MAPK10: variants seen among roughly 807,000 people sequenced by gnomAD.
The protein encoded by MAPK10 is mitogen-activated protein kinase 10.
MAPK10 carries 25 observed loss-of-function variants against 59.3 expected under a neutral mutation model. The ratio of observed to expected loss-of-function variants is 0.42; its 90% confidence interval spans 0.31 to 0.59. MAPK10 has a LOEUF of 0.59. MAPK10 is among the 20% of genes least tolerant of loss of function. The pLI is 0.15. For synonymous variants in MAPK10, 190 were observed against 200.5 expected (o/e 0.95, Z 0.44); for missense variants, 351 against 568.9 (o/e 0.62, Z 3.90).
At chr4:86,222,423 C>G (rs2089834277) in intron 2 of MAPK10, among the ~76,000 whole-genome samples, 1 of 152,162 alleles carries the variant, frequency 6.6e-6, no homozygotes, top group African/African-American at 2.4e-5. Context: ...GGTTACTCCT[C>G]TTCCCCAGTG....
intron 1 of MAPK10, among the ~76,000 whole-genome samples, chr4:86,523,163 G>A (rs969704982): frequency 6.6e-6 from 1 of 151,540 alleles, no homozygotes; most frequent in Non-Finnish European, 1.5e-5. Context: ...TTTATTAATA[G>A]GTATATCTCT....
intron 2 of MAPK10, among the ~76,000 whole-genome samples, chr4:86,238,691 G>T (rs2092476645): frequency 1.3e-5 from 2 of 152,160 alleles, no homozygotes; most frequent in African/African-American, 4.8e-5. Flanking sequence ...TTTGCACATT[G>T]ATTTTGTATC....
chr4:86,091,893 T>G (rs903025419), intron 9 of MAPK10, among the ~76,000 whole-genome samples: 1 of 151,936 alleles, frequency 6.6e-6, no homozygotes, highest in Non-Finnish European at 1.5e-5. Context: ...AGGATGGTCT[T>G]GATCTCCTGA....
At chr4:86,080,394 C>T (rs2050394634) in intron 9 of MAPK10, 1 of 151,216 alleles carries the variant, frequency 6.6e-6, no homozygotes, top group African/African-American at 2.4e-5. Context: ...TATTTACCAG[C>T]AATACTGTAA....
chr4:86,357,992 C>T, intron 1 of MAPK10: 1 of 827,230 alleles, frequency 1.2e-6, no homozygotes, highest in African/African-American at 1.8e-5. Flanking sequence ...GGAGAGAAAA[C>T]CCAGTTTGCT....
chr4:86,321,659 A>G (rs1424645395), intron 2 of MAPK10, among the ~76,000 whole-genome samples: 1 of 151,586 alleles, frequency 6.6e-6, no homozygotes, highest in Non-Finnish European at 1.5e-5. Context: ...TGGGTGCAAC[A>G]CACCAGCATG....
At chr4:86,037,467 C>G (rs1402191558) in intron 11 of MAPK10, among the ~76,000 whole-genome samples, 1 of 151,728 alleles carries the variant, frequency 6.6e-6, no homozygotes, top group African/African-American at 2.4e-5. Context: ...TTGCAGTGAG[C>G]CAAGATCACA....
At chr4:86,076,345 AC>A (rs1170799422) in intron 9 of MAPK10, among the ~76,000 whole-genome samples, 4 of 152,148 alleles carry the variant, frequency 2.6e-5, no homozygotes, top group South Asian at 4.2e-4. Context: ...TGCAGAAATC[AC>A]CCATCTTCTG....
intron 2 of MAPK10, among the ~76,000 whole-genome samples, chr4:86,316,726 T>C (rs1398614626): frequency 1.3e-5 from 2 of 152,156 alleles, no homozygotes; most frequent in Non-Finnish European, 2.9e-5. Context: ...CAGAGATTGT[T>C]CCAGGGGCTG....
chr4:86,418,017 G>C (rs998832383), intron 1 of MAPK10, among the ~76,000 whole-genome samples: 5 of 152,136 alleles, frequency 3.3e-5, no homozygotes, highest in African/African-American at 1.2e-4. Context: ...TACAGCCTAT[G>C]TCAGTAAACC....
chr4:86,547,471 C>G (rs1243155849), intron 1 of MAPK10, among the ~76,000 whole-genome samples: 4 of 152,234 alleles, frequency 2.6e-5, no homozygotes, highest in Non-Finnish European at 4.4e-5. Context: ...AAATTTCTCG[C>G]CGGGCCTTAG....
At chr4:86,125,823 C>T (rs1422454051) in intron 4 of MAPK10, 2 of 151,906 alleles carry the variant, frequency 1.3e-5, no homozygotes, top group Non-Finnish European at 2.9e-5. Flanking sequence ...TGCCAGAAGC[C>T]CAACAGTGAC....
intron 9 of MAPK10, among the ~76,000 whole-genome samples, chr4:86,086,814 C>T (rs539596178): frequency 2.0e-5 from 3 of 152,188 alleles, no homozygotes; most frequent in African/African-American, 7.2e-5. Flanking sequence ...ATGTCTTATA[C>T]ATTAAGAGGT....
chr4:86,420,533 A>G lies in MAPK10; in HGVS notation c.-122+32497T>C, dbSNP rs547690956. ...CTGGGCATGGAGGCTCACACCTGTA[A>G]TCCCAGCATTTTGGGAGGCTGAGGC... is the stretch of plus-strand genomic sequence containing the variant. On this transcript the variant is annotated intron_variant, in intron 1 of 13. Transcript: ENST00000361569. Among the ~76,000 whole-genome samples the G allele has an allele frequency of 1.7e-4, 26 of 152,296 alleles. No homozygotes were observed. In the South Asian group the frequency reaches 5.4e-3, roughly 32 times the overall value.
At chr4:86,281,649 G>A (rs183832251) in intron 2 of MAPK10, among the ~76,000 whole-genome samples, 1 of 152,242 alleles carries the variant, frequency 6.6e-6, no homozygotes, top group African/African-American at 2.4e-5. Flanking sequence ...TGGTGTTTGA[G>A]ACAATAAGCT....
At chr4:86,591,361 T>G (rs550834004) in intron 1 of MAPK10, among the ~76,000 whole-genome samples, 1 of 151,752 alleles carries the variant, frequency 6.6e-6, no homozygotes, top group African/African-American at 2.4e-5. Context: ...TTTTCATATG[T>G]TTTTTTATTA....
At chr4:86,448,610 A>G (rs533035450) in intron 1 of MAPK10, among the ~76,000 whole-genome samples, 18 of 152,260 alleles carry the variant, frequency 1.2e-4, no homozygotes, top group African/African-American at 4.3e-4. Flanking sequence ...ACTATTATAA[A>G]AGGGCATTTT....
chr4:86,071,642 A>T (rs1203285005), intron 9 of MAPK10, among the ~76,000 whole-genome samples: 1 of 151,100 alleles, frequency 6.6e-6, no homozygotes, highest in Non-Finnish European at 1.5e-5. Flanking sequence ...CCATTTATTA[A>T]ATAGGGAATC....
At chr4:86,279,928 A>C (rs2094733096) in intron 2 of MAPK10, among the ~76,000 whole-genome samples, 1 of 152,152 alleles carries the variant, frequency 6.6e-6, no homozygotes, top group Non-Finnish European at 1.5e-5. Context: ...CTCTTCCAAC[A>C]AATCTCTTTA....
Sources: allele counts gnomAD v4.1 joint callset (sites outside exome capture counted in the v4.1 genomes callset), GRCh38; gene constraint gnomAD v4.1.1; transcripts MANE v1.5; gene names NCBI Gene and HGNC (gene_info 2026-07-23, HGNC 2026-07-21).